The following PDE11A variants were observed in gnomAD, a reference collection of about 807,000 sequenced individuals.
PDE11A encodes dual 3',5'-cyclic-AMP and -GMP phosphodiesterase 11A.
PDE11A carries 100 observed loss-of-function variants against 100.5 expected under a neutral mutation model. The ratio of observed to expected loss-of-function variants is 1.00; its 90% confidence interval spans 0.85 to 1.18. The LOEUF (loss-of-function observed/expected upper bound fraction) is 1.18, where lower values mean the gene tolerates loss of function less well. Among genes scored for constraint, PDE11A ranks in the 50% most tolerant of loss-of-function variants. The probability of loss-of-function intolerance (pLI) is 0.00; values close to 1 mark genes in which losing one functional copy is unlikely to be tolerated. For missense variants in PDE11A, 1,141 were observed against 1,152.6 expected, an observed-to-expected ratio of 0.99 and a Z score of 0.15; for synonymous variants, 381 against 420.8, an observed-to-expected ratio of 0.91 and a Z score of 1.16.
intron 18 of PDE11A, among the ~76,000 whole-genome samples, chr2:177,664,300 T>C (rs1368419848): frequency 6.6e-6 from 1 of 152,150 alleles, no homozygotes; most frequent in African/African-American, 2.4e-5. Context: ...GCCACAAAAA[T>C]AATGCAGGCT....
At chr2:178,101,582 T>C (rs902039663) in intron 2 of PDE11A, among the ~76,000 whole-genome samples, 2 of 152,224 alleles carry the variant, frequency 1.3e-5, no homozygotes, top group African/African-American at 4.8e-5. Flanking sequence ...AATTCTGAAA[T>C]CACCTGATTG....
intron 2 of PDE11A, among the ~76,000 whole-genome samples, chr2:177,981,410 C>T (rs1182202991): frequency 2.7e-5 from 4 of 150,568 alleles, no homozygotes; most frequent in African/African-American, 9.7e-5. Context: ...TCTTTCCTTG[C>T]TGTCTTCAGG....
intron 2 of PDE11A, among the ~76,000 whole-genome samples, chr2:177,987,494 G>C (rs1277526269): frequency 6.6e-6 from 1 of 152,108 alleles, no homozygotes; most frequent in Non-Finnish European, 1.5e-5. Context: ...ACCAAATTGG[G>C]TAGTTACATA....
intron 3 of PDE11A, 138 bp from the exon 4 acceptor site, chr2:177,898,336 G>C (rs761975229): frequency 1.6e-4 from 107 of 655,012 alleles, no homozygotes; most frequent in Non-Finnish European, 2.6e-4. Context: ...TTTTATGATT[G>C]TTTTGACATA....
intron 2 of PDE11A, among the ~76,000 whole-genome samples, chr2:177,999,057 C>T (rs753587749): frequency 6.6e-6 from 1 of 152,162 alleles, no homozygotes; most frequent in Non-Finnish European, 1.5e-5. Context: ...AGCAAAACGC[C>T]CATCATGTCC....
Position 178,071,439 on chromosome 2 carries a change from A to T in PDE11A, c.912+87T>A, listed in dbSNP as rs75701232. 1.9e-3 allele frequency: 2,999 copies of T among 1,562,166 alleles called. 56 individuals carry two copies. The African/African-American group carries it at 0.037, about 19-fold the overall frequency. ...TTTGTATTGTAAAGAGCCTAAATTA[A>T]TGTGTTCCTGGATGCCAGATGATAA... is the stretch of plus-strand genomic sequence containing the variant. On this transcript the variant is annotated intron_variant, in intron 1 of 19. Coordinates refer to ENST00000286063, the MANE Select transcript of PDE11A (RefSeq NM_016953.4).
chr2:177,773,293 C>T lies in PDE11A; in HGVS notation c.1738-3920G>A, dbSNP rs1574127234. 3.3e-5 allele frequency among the ~76,000 whole-genome samples: 5 copies of T among 152,346 alleles called. 1 individual carries two copies. The South Asian group carries it at 6.2e-4, about 19-fold the overall frequency. On this transcript the variant is annotated intron_variant, in intron 9 of 19. Transcript: ENST00000286063. ...GTGTTGTGATTACAGGCATGAGCCACTGTGCTCAATCTCACATATCCTTTC... is the reference window on the plus strand; with the variant it reads ...GTGTTGTGATTACAGGCATGAGCCATTGTGCTCAATCTCACATATCCTTTC...
At chr2:177,835,550 G>A (rs2083383029) in intron 6 of PDE11A, among the ~76,000 whole-genome samples, 2 of 152,198 alleles carry the variant, frequency 1.3e-5, no homozygotes, top group Admixed American at 1.3e-4. Context: ...GCACCTCCTT[G>A]GCCTTGGCGC....
At chr2:177,666,703 A>C (rs2080591320) in intron 18 of PDE11A, among the ~76,000 whole-genome samples, 1 of 147,914 alleles carries the variant, frequency 6.8e-6, no homozygotes, top group South Asian at 2.2e-4. Context: ...TTTTCTTTGG[A>C]GATATGTCTG....
At chr2:177,736,437 T>A (rs573516759) in intron 10 of PDE11A, among the ~76,000 whole-genome samples, 1 of 151,626 alleles carries the variant, frequency 6.6e-6, no homozygotes, top group African/African-American at 2.4e-5. Flanking sequence ...GGCAGGAGAA[T>A]TGCTTAAACC....
At chr2:177,673,228 G>T (rs759142915) in intron 17 of PDE11A, among the ~76,000 whole-genome samples, 26 of 152,190 alleles carry the variant, frequency 1.7e-4, no homozygotes, top group Non-Finnish European at 3.7e-4. Context: ...GAAACGCTAA[G>T]CCCATGATTA....
intron 2 of PDE11A, among the ~76,000 whole-genome samples, chr2:177,984,344 C>G (rs756812107): frequency 9.2e-5 from 14 of 152,278 alleles, no homozygotes; most frequent in Non-Finnish European, 1.6e-4. Flanking sequence ...GAATACCTTT[C>G]TCATGATACC....
chr2:177,971,804 G>A lies in PDE11A; in HGVS notation c.1071+42498C>T, dbSNP rs148867221. Among the ~76,000 whole-genome samples, 62 of 152,158 alleles carry A rather than the reference G, an allele frequency of 4.1e-4. 2 individuals are homozygous for A. The highest frequency in any genetic ancestry group is 3.9e-3 in the South Asian group (19 of 4,814). ...AGTCACTCAACTTATTACAGAGCTG[G>A]TGGGAACATCCAGACAATTCAAAAA... On this transcript the variant is annotated intron_variant, in intron 2 of 19. Coordinates refer to ENST00000286063, the MANE Select transcript of PDE11A (RefSeq NM_016953.4).
chr2:177,957,097 A>AT (rs959086587), intron 2 of PDE11A, among the ~76,000 whole-genome samples: 1 of 152,130 alleles, frequency 6.6e-6, no homozygotes. Flanking sequence ...ACAAAAAAAA[A>AT]CAAACAAGGG....
At chr2:177,999,995 T>C (rs1476822765) in intron 2 of PDE11A, among the ~76,000 whole-genome samples, 1 of 152,188 alleles carries the variant, frequency 6.6e-6, no homozygotes, top group African/African-American at 2.4e-5. Context: ...AATATAGTCA[T>C]GCCTACCTTT....
chr2:177,675,826 A>G, intron 16 of PDE11A: 1 of 470,186 alleles, frequency 2.1e-6, no homozygotes, highest in Non-Finnish European at 4.0e-6. Context: ...GCTTAAAATA[A>G]TTTATAATGG....
At chr2:177,781,064 C>T (rs976880369) in intron 9 of PDE11A, among the ~76,000 whole-genome samples, 2 of 152,142 alleles carry the variant, frequency 1.3e-5, no homozygotes, top group Non-Finnish European at 2.9e-5. Context: ...CTTAATCATG[C>T]CTAGCTTATG....
chr2:177,816,024 A>G (rs1267044419), intron 9 of PDE11A, among the ~76,000 whole-genome samples: 7 of 152,202 alleles, frequency 4.6e-5, no homozygotes, highest in Non-Finnish European at 1.0e-4. Context: ...CAGCCTGGCC[A>G]ACATAGTGAA....
intron 5 of PDE11A, among the ~76,000 whole-genome samples, chr2:177,853,730 GTATATCTATA>G (rs1337106897): frequency 1.1e-5 from 1 of 88,564 alleles, no homozygotes; most frequent in African/African-American, 4.0e-5. Context: ...GTGTGTGTGT[GTATATCTATA>G]TGTGTGTATA....
Sources: gnomAD v4.1 joint callset for allele counts (sites outside exome capture counted in the v4.1 genomes callset) on GRCh38, gnomAD v4.1.1 for gene constraint, MANE v1.5 for transcripts, NCBI Gene and HGNC (gene_info 2026-07-23, HGNC 2026-07-21) for gene names.